CEP15: variants seen among roughly 807,000 people sequenced by gnomAD.
CEP15 encodes the protein centrosomal protein 15 kDa.
the CEP15 span, among the ~76,000 whole-genome samples, chr3:62,323,233 A>G: frequency 3.3e-5 from 5 of 152,236 alleles, no homozygotes; most frequent in South Asian, 1.0e-3. Context: ...TCAAGAACCC[A>G]GAAACTTTGT....
chr3:62,333,595 C>G, the CEP15 span: 1 of 449,172 alleles, frequency 2.2e-6, no homozygotes, highest in Non-Finnish European at 3.9e-6. The surrounding 1 kb of genome is among the most constrained non-coding windows in gnomAD (Gnocchi z 4.0). Flanking sequence ...TCTACCAAAC[C>G]CATAGATGTG....
the CEP15 span, among the ~76,000 whole-genome samples, chr3:62,325,300 A>G: frequency 6.6e-6 from 1 of 152,246 alleles, no homozygotes; most frequent in South Asian, 2.1e-4. Context: ...AACAGCTATC[A>G]CAAAATTATT....
chr3:62,330,430 A>G, the CEP15 span, among the ~76,000 whole-genome samples: 2 of 152,172 alleles, frequency 1.3e-5, no homozygotes, highest in African/African-American at 4.8e-5. Flanking sequence ...ACAAGACAAC[A>G]TGGGTGCTGA....
chr3:62,324,963 G>C, the CEP15 span, among the ~76,000 whole-genome samples: 3 of 152,058 alleles, frequency 2.0e-5, no homozygotes, highest in Non-Finnish European at 4.4e-5. Context: ...AGCCAAATTT[G>C]TTCTAAAAGT....
chr3:62,334,095 C>T, the CEP15 span: 14 of 152,044 alleles, frequency 9.2e-5, no homozygotes, highest in Middle Eastern at 3.4e-3. The surrounding 1 kb of genome is among the most constrained non-coding windows in gnomAD (Gnocchi z 4.9). Flanking sequence ...AATAACCCCA[C>T]TCTTGTCTTT....
the CEP15 span, chr3:62,320,595 C>T: frequency 1.7e-6 from 2 of 1,168,672 alleles, no homozygotes; most frequent in Non-Finnish European, 2.5e-6. Flanking sequence ...ATTGTATACA[C>T]AGGATGACTT....
chr3:62,319,745 C>T, the CEP15 span: 1 of 152,120 alleles, frequency 6.6e-6, no homozygotes, highest in Non-Finnish European at 1.5e-5. Flanking sequence ...CCTTTTAAGC[C>T]CAACCAGATG....
chr3:62,333,605 G>A, the CEP15 span: 3 of 374,398 alleles, frequency 8.0e-6, no homozygotes, highest in South Asian at 4.4e-5. This position sits in a 1 kb window ranked among gnomAD's most constrained non-coding sequence, Gnocchi z 4.0. Flanking sequence ...CCATAGATGT[G>A]TTAAACACGA....
the CEP15 span, among the ~76,000 whole-genome samples, chr3:62,328,471 A>T: frequency 1.9e-3 from 285 of 152,358 alleles, no homozygotes; most frequent in African/African-American, 6.4e-3. Context: ...TTATACCACC[A>T]ACTACATAAT....
At chr3:62,326,000 G>A in the CEP15 span, among the ~76,000 whole-genome samples, 1 of 150,406 alleles carries the variant, frequency 6.6e-6, no homozygotes, top group Non-Finnish European at 1.5e-5. Flanking sequence ...CTCCAGCCTG[G>A]GGACAGAGTG....
the CEP15 span, among the ~76,000 whole-genome samples, chr3:62,326,702 G>A: frequency 1.3e-5 from 2 of 152,118 alleles, no homozygotes; most frequent in Non-Finnish European, 1.5e-5. Context: ...ACTTGCATGT[G>A]CTTATTACCC....
chr3:62,327,127 G>A, the CEP15 span, among the ~76,000 whole-genome samples: 3 of 152,064 alleles, frequency 2.0e-5, no homozygotes, highest in African/African-American at 2.4e-5. Context: ...TGTCCTATGC[G>A]TTTCCCAGTT....
At chr3:62,326,065 C>T in the CEP15 span, among the ~76,000 whole-genome samples, 2 of 150,998 alleles carry the variant, frequency 1.3e-5, no homozygotes, top group Admixed American at 1.3e-4. Flanking sequence ...TAAACATCAC[C>T]TCAAGAGTAA....
At chr3:62,320,338 A>C in the CEP15 span, 2,777 of 633,560 alleles carry the variant, frequency 4.4e-3, 63 homozygotes, top group African/African-American at 0.046. Flanking sequence ...ACATTATTAC[A>C]TCTTAAGTTT....
the CEP15 span, among the ~76,000 whole-genome samples, chr3:62,330,625 A>G: frequency 6.6e-6 from 1 of 152,322 alleles, no homozygotes; most frequent in Admixed American, 6.5e-5. Flanking sequence ...AAGTAAAACT[A>G]CACATTAAAG....
chr3:62,327,164 G>A, the CEP15 span, among the ~76,000 whole-genome samples: 1 of 152,130 alleles, frequency 6.6e-6, no homozygotes, highest in Non-Finnish European at 1.5e-5. Flanking sequence ...CATCTCTGAC[G>A]TATCATTTTG....
chr3:62,321,827 T>C, the CEP15 span: 1 of 839,526 alleles, frequency 1.2e-6, no homozygotes, highest in South Asian at 2.0e-5. The surrounding 1 kb of genome is among the most constrained non-coding windows in gnomAD (Gnocchi z 4.1). Context: ...TAGGTTAGAG[T>C]TGAAGTGAGG....
the CEP15 span, chr3:62,319,553 G>A: frequency 6.6e-6 from 1 of 152,194 alleles, no homozygotes; most frequent in East Asian, 1.9e-4. Context: ...TCCTTGGCCG[G>A]GTTCAGCACC....
At chr3:62,327,246 A>C in the CEP15 span, among the ~76,000 whole-genome samples, 1 of 152,252 alleles carries the variant, frequency 6.6e-6, no homozygotes, top group Non-Finnish European at 1.5e-5. Context: ...ATATAATGTG[A>C]GCACATATGT....
Sources: gnomAD v4.1 joint callset for allele counts (sites outside exome capture counted in the v4.1 genomes callset) on GRCh38, gnomAD v4.1.1 for gene constraint, Gnocchi (gnomAD v3.1) non-coding constraint, MANE v1.5 for transcripts, NCBI Gene and HGNC (gene_info 2026-07-23, HGNC 2026-07-21) for gene names.